The following PAK5 variants were observed in gnomAD, a reference collection of about 807,000 sequenced individuals.
PAK5 encodes p21 (RAC1) activated kinase 5, also known as serine/threonine-protein kinase PAK 5.
In PAK5, 16 loss-of-function variants were observed where a neutral mutation model predicts 65.9. That is an observed-to-expected ratio of 0.24 (90% CI 0.16 to 0.37). PAK5 has a LOEUF of 0.37. PAK5 is among the 10% of genes least tolerant of loss of function. The pLI, the probability that PAK5 is intolerant of heterozygous loss-of-function variation, is 1.00. For synonymous variants in PAK5, 371 were observed against 354.9 expected (o/e 1.05, Z -0.51); for missense variants, 785 against 903.9 (o/e 0.87, Z 1.69).
chr20:9,803,678 A>G (rs1328844598), intron 1 of PAK5, among the ~76,000 whole-genome samples: 5 of 152,198 alleles, frequency 3.3e-5, no homozygotes, highest in African/African-American at 1.2e-4. Context: ...ATCTGCATTA[A>G]AGTATCATTG....
intron 3 of PAK5, among the ~76,000 whole-genome samples, chr20:9,616,789 T>C (rs1188526900): frequency 1.3e-5 from 2 of 152,186 alleles, no homozygotes; most frequent in East Asian, 3.9e-4. Context: ...AGTGAGAGTC[T>C]AAGGATAGAA....
chr20:9,677,045 A>ATGTGTGTG (rs4053117), intron 2 of PAK5, among the ~76,000 whole-genome samples: 2 of 141,118 alleles, frequency 1.4e-5, no homozygotes, highest in African/African-American at 5.2e-5. Context: ...GGGTATGTGC[A>ATGTGTGTG]TGTGTGTGTG....
In PAK5 at chr20:9,566,357, G is replaced by A; in HGVS notation, c.1018C>T (p.Leu340Phe). The A allele has an allele frequency of 1.2e-6, 2 of 1,613,426 alleles. No homozygotes were observed. The highest frequency in any genetic ancestry group is 1.7e-6 in the Non-Finnish European group (2 of 1,179,726). ...KVDYDRAQMV[L>F]SPPLSGSDTY... ...TCAGACCCTGACAGTGGAGGGCTGA[G>A]GACCATCTGTGCTCGATCGTAATCC... The change falls in exon 5 of 10, where the codon CTC becomes TTC. Residue 340 changes from leucine (L) to phenylalanine (F), a missense_variant. Coordinates refer to ENST00000353224, the MANE Select transcript of PAK5 (RefSeq NM_177990.4).
chr20:9,727,664 A>C, intron 1 of PAK5, among the ~76,000 whole-genome samples: 1 of 151,874 alleles, frequency 6.6e-6, no homozygotes, highest in African/African-American at 2.4e-5. Flanking sequence ...TTATTTATTC[A>C]ATTATTTATT....
intron 1 of PAK5, among the ~76,000 whole-genome samples, chr20:9,739,959 T>A (rs866833725): frequency 6.6e-6 from 1 of 152,182 alleles, no homozygotes; most frequent in Non-Finnish European, 1.5e-5. Flanking sequence ...TCTGTCTAGC[T>A]TTTCATGCTC....
chr20:9,551,691 G>A (rs1322286528), intron 7 of PAK5, among the ~76,000 whole-genome samples: 1 of 152,214 alleles, frequency 6.6e-6, no homozygotes, highest in Non-Finnish European at 1.5e-5. Context: ...GTTTCTGGGT[G>A]CTTCTTTGTA....
chr20:9,721,114 G>A (rs2048207735), intron 1 of PAK5, among the ~76,000 whole-genome samples: 2 of 152,072 alleles, frequency 1.3e-5, no homozygotes, highest in South Asian at 4.1e-4. Flanking sequence ...ATTTTATCTC[G>A]ATAAATATGC....
intron 1 of PAK5, among the ~76,000 whole-genome samples, chr20:9,835,133 C>T (rs1202312003): frequency 1.3e-5 from 2 of 152,176 alleles, no homozygotes; most frequent in East Asian, 3.8e-4. Flanking sequence ...TTGAAGTTGG[C>T]ACAGGAAAAT....
At chr20:9,768,864 TAAAC>T (rs1012284142) in intron 1 of PAK5, among the ~76,000 whole-genome samples, 12 of 146,570 alleles carry the variant, frequency 8.2e-5, no homozygotes, top group Non-Finnish European at 4.5e-5. Flanking sequence ...TGGCCTAACT[TAAAC>T]AAGAAGGGAG....
At chr20:9,682,996 G>A (rs2047670521) in intron 2 of PAK5, among the ~76,000 whole-genome samples, 1 of 152,344 alleles carries the variant, frequency 6.6e-6, no homozygotes, top group Middle Eastern at 3.4e-3. Flanking sequence ...TTAAAACTTA[G>A]CGCTTAAGTA....
At chr20:9,647,201 AT>A (rs2047145543) in intron 2 of PAK5, among the ~76,000 whole-genome samples, 1 of 152,200 alleles carries the variant, frequency 6.6e-6, no homozygotes, top group South Asian at 2.1e-4. Context: ...AGGAGTTTTG[AT>A]TGTGATATTA....
intron 7 of PAK5, among the ~76,000 whole-genome samples, chr20:9,550,380 A>G (rs148069297): frequency 0.015 from 2,316 of 152,262 alleles, 29 homozygotes; most frequent in Middle Eastern, 0.027. Flanking sequence ...GGAGAGTCCA[A>G]TGAAAGCAAG....
chr20:9,790,736 T>C (rs966754521), intron 1 of PAK5, among the ~76,000 whole-genome samples: 1 of 152,094 alleles, frequency 6.6e-6, no homozygotes, highest in Admixed American at 6.6e-5. Context: ...TGGCCTCAAG[T>C]GATCTTCCCA....
chr20:9,662,791 A>G (rs1302487006), intron 2 of PAK5, among the ~76,000 whole-genome samples: 1 of 152,154 alleles, frequency 6.6e-6, no homozygotes, highest in African/African-American at 2.4e-5. Flanking sequence ...TTTTCTGATA[A>G]CAACACTATG....
At chr20:9,591,286 CCT>C (rs2046165921) in intron 3 of PAK5, among the ~76,000 whole-genome samples, 1 of 152,098 alleles carries the variant, frequency 6.6e-6, no homozygotes, top group Non-Finnish European at 1.5e-5. Context: ...ACAAATGCTG[CCT>C]CTCTATAGAA....
chr20:9,644,656 T>C (rs545273059), intron 2 of PAK5, among the ~76,000 whole-genome samples: 18 of 152,346 alleles, frequency 1.2e-4, no homozygotes, highest in African/African-American at 4.3e-4. Context: ...GAAGGCATTG[T>C]ATGTTTCCAC....
At chr20:9,547,078 T>C (rs1230148978) in intron 7 of PAK5, among the ~76,000 whole-genome samples, 1 of 152,078 alleles carries the variant, frequency 6.6e-6, no homozygotes, top group Non-Finnish European at 1.5e-5. Context: ...GCATGACTGA[T>C]ATAAAAATAG....
At chr20:9,644,088 T>A (rs1383391964) in intron 3 of PAK5, 37 bp downstream of exon 3, 10 of 1,523,376 alleles carry the variant, frequency 6.6e-6, no homozygotes, top group Non-Finnish European at 8.2e-6. Context: ...AAGAGCATGA[T>A]TCTTAAGCCC....
At chr20:9,665,503 G>A (rs952262444) in intron 2 of PAK5, among the ~76,000 whole-genome samples, 2 of 151,732 alleles carry the variant, frequency 1.3e-5, no homozygotes, top group East Asian at 3.9e-4. Context: ...TATTTTTTGA[G>A]TCAGGGTCTT....
Sources: gnomAD v4.1 joint callset for allele counts (sites outside exome capture counted in the v4.1 genomes callset) on GRCh38, gnomAD v4.1.1 for gene constraint, MANE v1.5 for transcripts, NCBI Gene and HGNC (gene_info 2026-07-23, HGNC 2026-07-21) for gene names.